LARP7: variants seen among roughly 807,000 people sequenced by gnomAD.
The protein encoded by LARP7 is La ribonucleoprotein 7, transcriptional regulator, also known as la-related protein 7.
LARP7 carries 52 observed loss-of-function variants against 69.3 expected under a neutral mutation model. That is an observed-to-expected ratio of 0.75 (90% CI 0.60 to 0.95). The LOEUF is 0.95. Among genes scored for constraint, LARP7 ranks in the 40% least tolerant of loss-of-function variants. LARP7 has a pLI of 0.00. For missense variants in LARP7, 733 were observed against 673.0 expected (o/e 1.09, Z -0.99); for synonymous variants, 254 against 215.9 (o/e 1.18, Z -1.55).
chr4:112,638,656 G>A (rs2149245348), intron 1 of LARP7, among the ~76,000 whole-genome samples: 1 of 152,220 alleles, frequency 6.6e-6, no homozygotes, highest in East Asian at 1.9e-4. Flanking sequence ...GTATGACAGT[G>A]GTCCCATAAG....
chr4:112,641,077 A>G (rs1287507386), intron 1 of LARP7, among the ~76,000 whole-genome samples: 1 of 152,038 alleles, frequency 6.6e-6, no homozygotes, highest in African/African-American at 2.4e-5. Context: ...CAACCACAGT[A>G]AGGTTTTTGG....
At chr4:112,648,856 T>G (rs1299338609) in intron 8 of LARP7, among the ~76,000 whole-genome samples, 1 of 150,406 alleles carries the variant, frequency 6.6e-6, no homozygotes, top group Non-Finnish European at 1.5e-5. Context: ...GGATCCTTTT[T>G]TTTTTTTTTG....
Position 112,646,818 on chromosome 4 carries a change from A to C in LARP7, c.415A>C (p.Ser139Arg). The C allele has an allele frequency of 6.2e-7, 1 of 1,601,474 alleles. No homozygotes were observed. The highest frequency in any genetic ancestry group is 8.5e-7 in the Non-Finnish European group (1 of 1,176,756). The change falls in exon 5 of 13, where the codon AGC becomes CGC. Residue 139 changes from serine (S) to arginine (R), a missense_variant. Physicochemically the swap from Ser to Arg is moderately radical, Grantham distance 110. Coordinates refer to ENST00000344442, the MANE Select transcript of LARP7 (RefSeq NM_016648.4). ...GTTACTTCCCAAAAATGTTAATCAC[A>C]GCTGGATTGAAAGAGTATTTGGGAA... ...VELLPKNVNH[S>R]WIERVFGKCG...
At chr4:112,650,175 ATTTACTGTTCCTTTG>A (rs1275627334) in intron 9 of LARP7, 3 of 236,466 alleles carry the variant, frequency 1.3e-5, no homozygotes, top group African/African-American at 6.8e-5. Flanking sequence ...TTGAGTAAAA[ATTTACTGTTCCTTTG>A]TTCAGGGAGA....
chr4:112,647,657 G>A, intron 7 of LARP7, 33 bp from the exon 8 acceptor site: 6 of 1,507,114 alleles, frequency 4.0e-6, no homozygotes, highest in African/African-American at 1.4e-5. Flanking sequence ...ACAGCCCCAT[G>A]TCTTAACGGA....
intron 2 of LARP7, 71 bp downstream of exon 2, chr4:112,644,942 A>ACTT (rs1454408813): frequency 3.0e-5 from 7 of 235,872 alleles, no homozygotes; most frequent in Admixed American, 1.3e-4. Flanking sequence ...AAAATAATAT[A>ACTT]TTCTTTTTTT....
intron 8 of LARP7, among the ~76,000 whole-genome samples, 181 bp from the exon 9 acceptor site, chr4:112,649,354 C>G (rs1001866698): frequency 9.2e-5 from 14 of 152,132 alleles, no homozygotes; most frequent in African/African-American, 3.4e-4. Context: ...GGAAGAGGAA[C>G]TCCCTTAGCT....
chr4:112,645,162 G>A (rs2048128979), intron 2 of LARP7, among the ~76,000 whole-genome samples: 1 of 151,930 alleles, frequency 6.6e-6, no homozygotes, highest in Non-Finnish European at 1.5e-5. Flanking sequence ...GGCCAGGCTG[G>A]TCTCGAACTC....
intron 1 of LARP7, among the ~76,000 whole-genome samples, chr4:112,642,640 A>G (rs1410516177): frequency 3.3e-5 from 5 of 152,228 alleles, no homozygotes; most frequent in South Asian, 4.1e-4. Flanking sequence ...GATAGGGTAG[A>G]TGCAGCTTCT....
rs777551671 is a variant in LARP7 at position 112,647,076 on chromosome 4, A to AT, written c.596dup (p.Phe200IlefsTer3). Reference sequence around the variant, plus strand: ...AGAAGAAGCACCAAGAAAACCTGGCATATTTCCTAAAACAGTGAAAAATAA... The same window carrying AT: ...AGAAGAAGCACCAAGAAAACCTGGCATTATTTCCTAAAACAGTGAAAAATAA... On this transcript the variant is annotated frameshift_variant, in exon 6 of 13. Transcript: ENST00000344442. LOFTEE classifies it high-confidence loss of function. 6.2e-7 allele frequency: 1 copy of AT among 1,612,058 alleles called. No individual in the cohort carries two copies. Among genetic ancestry groups the AT allele is most frequent in the South Asian group, 1.1e-5 (1 of 90,174 alleles).
intron 2 of LARP7, 37 bp from the exon 3 acceptor site, chr4:112,646,314 T>TTTAGTA (rs2048233038): frequency 9.6e-7 from 1 of 1,042,140 alleles, no homozygotes; most frequent in Non-Finnish European, 1.5e-6. Context: ...TTAATCCTGC[T>TTTAGTA]GATACACTAA....
chr4:112,647,056 A>T lies in LARP7; in HGVS notation c.575A>T (p.Glu192Val). The T allele has an allele frequency of 6.2e-7, 1 of 1,611,772 alleles. No homozygotes were observed. The highest frequency in any genetic ancestry group is 8.5e-7 in the Non-Finnish European group (1 of 1,179,484). Residue 192 changes from glutamate to valine, a missense_variant, in exon 6 of 13, where the codon GAA (glutamate) becomes GTA (valine). By Grantham distance (121) the Glu-to-Val change is moderately radical. Transcript: ENST00000344442. ...CAGTTTCTTAACAACCCACCAGAAG[A>T]AGCACCAAGAAAACCTGGCATATTT... is the stretch of plus-strand genomic sequence containing the variant. Reference protein sequence around the residue: ...AIEFLNNPPEEAPRKPGIFPK... With the variant: ...AIEFLNNPPEVAPRKPGIFPK...
rs1425226927 is a variant in LARP7 at position 112,640,678 on chromosome 4, C to T, written c.-3+3439C>T. ...TTGTGCCACTGCAGTCCAGGCTGCA[C>T]AACAGACTCCATCTCAATAAATAAT... On this transcript the variant is annotated intron_variant, in intron 1 of 12. Transcript: ENST00000344442. Among the ~76,000 whole-genome samples, 5 of 152,058 alleles carry T rather than the reference C, an allele frequency of 3.3e-5. No individual in the cohort carries two copies. The East Asian group carries it at 7.7e-4, about 23-fold the overall frequency.
At position 112,647,472 on chromosome 4, in the gene LARP7, C is replaced by T; in HGVS notation, c.920C>T (p.Ala307Val). Residue 307 changes from alanine to valine, a missense_variant, in exon 7 of 13, where the codon GCT becomes GTT. Physicochemically the swap from Ala to Val is moderately conservative, Grantham distance 64. Coordinates refer to ENST00000344442, the MANE Select transcript of LARP7 (RefSeq NM_016648.4). ...AGCTCTGAAGATGCAGAATCCCTAG[C>T]TCCCCGATCAAAAGTAAAGAAAATT... is the stretch of plus-strand genomic sequence containing the variant. ...RSSSEDAESL[A>V]PRSKVKKIIQ... The T allele has an allele frequency of 1.9e-6, 3 of 1,613,826 alleles. No individual in the cohort carries two copies. The highest frequency in any genetic ancestry group is 1.7e-6 in the Non-Finnish European group (2 of 1,179,862).
rs757958464 is a variant in LARP7, at chr4:112,647,385, A to T, written c.833A>T (p.Lys278Ile). ...AAGCAGTGCTCAAAGAAAAAGAAAA[A>T]ACGGGACAGAGTTGAAGCATCTAGC... ...PQKQCSKKKK[K>I]RDRVEASSLP... Residue 278 changes from lysine to isoleucine, a missense_variant, in exon 7 of 13, where the codon AAA (lysine) becomes ATA (isoleucine). Transcript: ENST00000344442. 1 of 1,614,076 alleles carries T rather than the reference A, an allele frequency of 6.2e-7. No homozygotes were observed. The highest frequency in any genetic ancestry group is 8.5e-7 in the Non-Finnish European group (1 of 1,180,006).
chr4:112,642,781 C>T (rs1255633112), intron 1 of LARP7, among the ~76,000 whole-genome samples: 1 of 152,224 alleles, frequency 6.6e-6, no homozygotes, highest in African/African-American at 2.4e-5. Context: ...GTATTTAGGA[C>T]ACTTTGACAC....
intron 12 of LARP7, among the ~76,000 whole-genome samples, chr4:112,656,493 A>C (rs1401252390): frequency 6.6e-6 from 1 of 152,224 alleles, no homozygotes; most frequent in East Asian, 1.9e-4. Flanking sequence ...GTCTGCCAAA[A>C]GGGATGTCTC....
Position 112,657,304 on chromosome 4 carries a change from A to T in LARP7, c.1726A>T (p.Ile576Leu). ...LAKTQQASKH[I>L]RFSEYD is the part of the protein sequence containing the mutation. ...AAAGACTCAACAAGCGAGTAAACAT[A>T]TAAGATTTTCTGAATATGATTGAAA... Residue 576 changes from isoleucine to leucine, a missense_variant, in exon 13 of 13, where the codon ATA becomes TTA. Transcript: ENST00000344442. 6.3e-7 allele frequency: 1 copy of T among 1,587,788 alleles called. No homozygotes were observed. Among genetic ancestry groups the T allele is most frequent in the Non-Finnish European group, 8.6e-7 (1 of 1,164,898 alleles).
At chr4:112,648,322 CAAA>C (rs537751343) in intron 8 of LARP7, 1 of 528,984 alleles carries the variant, frequency 1.9e-6, no homozygotes, top group Non-Finnish European at 3.9e-6. Flanking sequence ...AACACAATAA[CAAA>C]AAAATTTTGT....
Sources: gnomAD v4.1 joint callset for allele counts (sites outside exome capture counted in the v4.1 genomes callset) on GRCh38, gnomAD v4.1.1 for gene constraint, MANE v1.5 for transcripts, NCBI Gene and HGNC (gene_info 2026-07-23, HGNC 2026-07-21) for gene names.